The following DCC variants were observed in gnomAD, a reference collection of about 807,000 sequenced individuals.
DCC encodes netrin receptor DCC.
DCC carries 58 observed loss-of-function variants against 172.5 expected under a neutral mutation model. The observed-to-expected ratio is 0.34, with a 90% CI of 0.27 to 0.42. DCC has a LOEUF of 0.42. Ranked by LOEUF, DCC falls within the 10% of genes least tolerant of loss-of-function variation. The probability of loss-of-function intolerance (pLI) is 1.00; values close to 1 mark genes in which losing one functional copy is unlikely to be tolerated. For missense variants in DCC, 1,740 were observed against 1,791.0 expected (o/e 0.97, Z 0.51); for synonymous variants, 709 against 644.5 (o/e 1.10, Z -1.52).
At chr18:52,419,120 A>G (rs1164990465) in intron 1 of DCC, 1 of 151,694 alleles carries the variant, frequency 6.6e-6, no homozygotes, top group African/African-American at 2.4e-5. Flanking sequence ...CAGTTCCCCA[A>G]AGTGCTGGGA....
At chr18:52,895,951 A>G (rs1016283737) in intron 2 of DCC, among the ~76,000 whole-genome samples, 1 of 152,020 alleles carries the variant, frequency 6.6e-6, no homozygotes, top group African/African-American at 2.4e-5. Context: ...CACTTGGCTC[A>G]TTTTTGTACT....
intron 5 of DCC, among the ~76,000 whole-genome samples, chr18:52,964,005 A>G (rs1011083183): frequency 1.3e-5 from 2 of 152,150 alleles, no homozygotes; most frequent in Admixed American, 6.6e-5. Flanking sequence ...GCATATTACA[A>G]TCACTAGACT....
At chr18:53,318,752 G>GGTTTT (rs1555651814) in intron 13 of DCC, among the ~76,000 whole-genome samples, 7 of 132,154 alleles carry the variant, frequency 5.3e-5, no homozygotes, top group Non-Finnish European at 4.7e-5. Flanking sequence ...TCTTCGTTGG[G>GGTTTT]TTTTTTTTTT....
chr18:53,487,726 G>A (rs186615110), intron 26 of DCC, among the ~76,000 whole-genome samples: 80 of 152,128 alleles, frequency 5.3e-4, no homozygotes, highest in Middle Eastern at 6.8e-3. Context: ...ATCATAAATC[G>A]TCTAGATACA....
intron 1 of DCC, among the ~76,000 whole-genome samples, chr18:52,602,642 T>C (rs986663729): frequency 6.6e-6 from 1 of 152,082 alleles, no homozygotes; most frequent in African/African-American, 2.4e-5. Flanking sequence ...TGTCTCATGC[T>C]TACATTAATA....
rs775486111 is a variant in DCC, at chr18:53,429,054, T to TATTTTATATAATATATATTTTATATACAA, written c.3164-6090_3164-6089insATTTTATATAATATATATTTTATATACAA. ...TAATATATATTTTATATATAATATATTATATATTTTATATATAATATATAT... is the reference window on the plus strand; with the variant it reads ...TAATATATATTTTATATATAATATATATTTTATATAATATATATTTTATATACAATATATATTTTATATATAATATATAT... On this transcript the variant is annotated intron_variant, in intron 21 of 28. Transcript: ENST00000442544. 5.7e-5 allele frequency among the ~76,000 whole-genome samples: 2 copies of TATTTTATATAATATATATTTTATATACAA among 35,166 alleles called. 1 individual carries two copies. Among genetic ancestry groups the TATTTTATATAATATATATTTTATATACAA allele is most frequent in the Non-Finnish European group, 1.6e-4 (2 of 12,492 alleles). The allele number at this position is 35,166 out of a possible 152,430, so 23.1% of individuals were successfully genotyped here.
chr18:53,521,856 T>C (rs1401367736), intron 27 of DCC, among the ~76,000 whole-genome samples: 1 of 152,104 alleles, frequency 6.6e-6, no homozygotes, highest in African/African-American at 2.4e-5. Flanking sequence ...AAAAGATGTG[T>C]GAAAAAATAT....
At chr18:52,906,003 T>C in intron 2 of DCC, 41 bp from the exon 3 acceptor site, 1 of 1,333,712 alleles carries the variant, frequency 7.5e-7, no homozygotes, top group South Asian at 1.2e-5. Flanking sequence ...TATTGTGCTT[T>C]ATTTGGAAGA....
At chr18:52,799,137 A>G (rs780473456) in intron 2 of DCC, among the ~76,000 whole-genome samples, 2 of 152,216 alleles carry the variant, frequency 1.3e-5, no homozygotes, top group Non-Finnish European at 2.9e-5. Flanking sequence ...ACATATAGAC[A>G]TATTTCTAAA....
intron 1 of DCC, among the ~76,000 whole-genome samples, chr18:52,370,193 G>A (rs1985055412): frequency 6.6e-6 from 1 of 152,148 alleles, no homozygotes; most frequent in Non-Finnish European, 1.5e-5. Flanking sequence ...TCTAGAAGAA[G>A]AAATAACATT....
chr18:53,503,574 A>G (rs2046131216), intron 27 of DCC, among the ~76,000 whole-genome samples: 1 of 152,200 alleles, frequency 6.6e-6, no homozygotes, highest in Non-Finnish European at 1.5e-5. Flanking sequence ...TATTGGGCTT[A>G]TTGCATTATA....
chr18:52,985,882 C>G (rs1389614618), intron 5 of DCC, among the ~76,000 whole-genome samples: 1 of 152,062 alleles, frequency 6.6e-6, no homozygotes, highest in African/African-American at 2.4e-5. Flanking sequence ...AAACTCTGTT[C>G]TGGTTTTATA....
At chr18:52,484,729 A>G (rs2030125031) in intron 1 of DCC, among the ~76,000 whole-genome samples, 2 of 151,772 alleles carry the variant, frequency 1.3e-5, no homozygotes, top group African/African-American at 2.4e-5. Flanking sequence ...GGCTTGCTGC[A>G]CCTATCAAAC....
chr18:52,589,300 A>G (rs1166822988), intron 1 of DCC, among the ~76,000 whole-genome samples: 1 of 152,230 alleles, frequency 6.6e-6, no homozygotes, highest in African/African-American at 2.4e-5. Flanking sequence ...TCTGCTAAGC[A>G]AAAAAGAAAT....
chr18:53,324,663 G>A (rs2057448060), intron 14 of DCC, among the ~76,000 whole-genome samples: 1 of 152,016 alleles, frequency 6.6e-6, no homozygotes, highest in South Asian at 2.1e-4. Flanking sequence ...TGGTGATTGA[G>A]ATATATATGG....
At chr18:52,945,500 G>A (rs1026055935) in intron 5 of DCC, among the ~76,000 whole-genome samples, 2 of 152,172 alleles carry the variant, frequency 1.3e-5, no homozygotes, top group Non-Finnish European at 2.9e-5. Flanking sequence ...CATTTCTAGG[G>A]CATTAGACAT....
intron 1 of DCC, among the ~76,000 whole-genome samples, chr18:52,376,105 C>T (rs3862676): frequency 0.082 from 12,480 of 152,104 alleles, 982 homozygotes; most frequent in African/African-American, 0.2. Flanking sequence ...ATCTGTAGGA[C>T]GATGGCTTGA....
At chr18:52,698,940 T>G (rs1811875190) in intron 1 of DCC, among the ~76,000 whole-genome samples, 1 of 152,096 alleles carries the variant, frequency 6.6e-6, no homozygotes, top group Non-Finnish European at 1.5e-5. Context: ...AACCTTTTCA[T>G]GGCATAGGAA....
intron 5 of DCC, among the ~76,000 whole-genome samples, chr18:53,054,215 A>T (rs1002670573): frequency 2.0e-5 from 3 of 151,986 alleles, no homozygotes; most frequent in Non-Finnish European, 4.4e-5. Flanking sequence ...TTATAGTTGT[A>T]TTGTTATTTT....
Sources: gnomAD v4.1 joint callset for allele counts (sites outside exome capture counted in the v4.1 genomes callset) on GRCh38, gnomAD v4.1.1 for gene constraint, MANE v1.5 for transcripts, NCBI Gene and HGNC (gene_info 2026-07-23, HGNC 2026-07-21) for gene names.